The following HTR4 variants were observed in gnomAD, a reference collection of about 807,000 sequenced individuals.
The protein encoded by HTR4 is 5-hydroxytryptamine receptor 4, also known as 5-hydroxytryptamine (serotonin) receptor 4, G protein-coupled.
A neutral mutation model predicts 36.8 loss-of-function variants in HTR4; 16 were observed. The observed-to-expected ratio is 0.43, with a 90% CI of 0.29 to 0.66. HTR4 has a LOEUF of 0.66. HTR4 is among the 30% of genes least tolerant of loss of function. The pLI, the probability that HTR4 is intolerant of heterozygous loss-of-function variation, is 0.13. For synonymous variants in HTR4, 189 were observed against 185.1 expected, an observed-to-expected ratio of 1.02 and a Z score of -0.17; for missense variants, 438 against 490.9, an observed-to-expected ratio of 0.89 and a Z score of 1.02.
intron 6 of HTR4, among the ~76,000 whole-genome samples, chr5:148,505,569 G>A (rs1026620536): frequency 6.6e-6 from 1 of 152,162 alleles, no homozygotes; most frequent in Non-Finnish European, 1.5e-5. Flanking sequence ...ATTAGGAAAA[G>A]AGGAAGTCAA....
chr5:148,486,828 G>A (rs1053342073), intron 6 of HTR4, among the ~76,000 whole-genome samples: 3 of 152,168 alleles, frequency 2.0e-5, no homozygotes, highest in African/African-American at 7.2e-5. Flanking sequence ...CGGAATCTGT[G>A]AAATTACATT....
At chr5:148,499,410 T>C (rs1756834758) in intron 6 of HTR4, among the ~76,000 whole-genome samples, 1 of 152,150 alleles carries the variant, frequency 6.6e-6, no homozygotes, top group Admixed American at 6.6e-5. Context: ...ATTGTAAATT[T>C]TATACATGCA....
In HTR4 at chr5:148,523,336, T is replaced by C; in HGVS notation, c.364A>G (p.Ile122Val). 6.2e-7 allele frequency: 1 copy of C among 1,609,590 alleles called. No individual in the cohort carries two copies. ...CCISLDRYYA[I>V]CCQPLVYRNK... ...CTATAGACCAAAGGCTGGCAGCAGA[T>C]GGCGTAATACCTGGAGAGAGAATAG... Residue 122 changes from isoleucine to valine, a missense_variant, in exon 5 of 7, where the codon ATC becomes GTC. By Grantham distance (29) the Ile-to-Val change is conservative. Transcript: ENST00000377888.
intron 5 of HTR4, among the ~76,000 whole-genome samples, chr5:148,463,811 C>T (rs1045057209): frequency 6.6e-6 from 1 of 151,646 alleles, no homozygotes; most frequent in Non-Finnish European, 1.5e-5. Context: ...AGTCAGAGGA[C>T]TGATACTACC....
At chr5:148,517,182 T>C (rs1326523691) in intron 5 of HTR4, among the ~76,000 whole-genome samples, 1 of 152,222 alleles carries the variant, frequency 6.6e-6, no homozygotes, top group East Asian at 1.9e-4. Flanking sequence ...TAATATGTTT[T>C]AAGGCATATT....
chr5:148,554,815 G>A (rs1030276875), intron 2 of HTR4, among the ~76,000 whole-genome samples: 1 of 152,030 alleles, frequency 6.6e-6, no homozygotes, highest in Non-Finnish European at 1.5e-5. Flanking sequence ...CCACCCTCAC[G>A]TAGGTCCCAG....
chr5:148,637,925 C>T (rs1422554206), intron 1 of HTR4, among the ~76,000 whole-genome samples: 21 of 152,182 alleles, frequency 1.4e-4, no homozygotes. Flanking sequence ...TCATTCACTT[C>T]TCAGTAAAGA....
At chr5:148,545,170 A>G (rs1049968406) in intron 4 of HTR4, among the ~76,000 whole-genome samples, 2 of 152,348 alleles carry the variant, frequency 1.3e-5, no homozygotes, top group African/African-American at 4.8e-5. Context: ...GGAAAGCTGG[A>G]GACAAGCTGG....
intron 2 of HTR4, among the ~76,000 whole-genome samples, chr5:148,623,442 C>T (rs1184635095): frequency 6.6e-6 from 1 of 151,998 alleles, no homozygotes; most frequent in Non-Finnish European, 1.5e-5. Flanking sequence ...AACAACAGCA[C>T]AGAAAATGAG....
chr5:148,520,319 T>C (rs1330519567), intron 5 of HTR4, among the ~76,000 whole-genome samples: 2 of 152,136 alleles, frequency 1.3e-5, no homozygotes, highest in African/African-American at 2.4e-5. Flanking sequence ...TTTTAAACCG[T>C]GATTAAAATT....
At chr5:148,479,937 A>G (rs1262086465), downstream of HTR4, among the ~76,000 whole-genome samples, 1 of 152,216 alleles carries the variant, frequency 6.6e-6, no homozygotes, top group Non-Finnish European at 1.5e-5. Flanking sequence ...ACAATTAACA[A>G]TCATATACAT....
chr5:148,646,150 T>A (rs1255311141), intron 1 of HTR4: 1 of 152,230 alleles, frequency 6.6e-6, no homozygotes, highest in African/African-American at 2.4e-5. Context: ...AATGCCCCAG[T>A]GATTCTGATG....
At chr5:148,607,554 C>T (rs1752232471) in intron 2 of HTR4, among the ~76,000 whole-genome samples, 1 of 152,188 alleles carries the variant, frequency 6.6e-6, no homozygotes. Context: ...CTTTGATGAG[C>T]CTCTCCATTC....
intron 6 of HTR4, among the ~76,000 whole-genome samples, chr5:148,496,036 G>T (rs1036088357): frequency 1.3e-5 from 2 of 152,154 alleles, no homozygotes; most frequent in Non-Finnish European, 2.9e-5. Context: ...GGAGGCGGAG[G>T]TTGCAGTAAG....
At chr5:148,548,896 G>C in intron 3 of HTR4, 28 bp from the exon 4 acceptor site, 1 of 1,544,302 alleles carries the variant, frequency 6.5e-7, no homozygotes, top group Non-Finnish European at 8.9e-7. Context: ...TAAGAGAGGA[G>C]GCAGGGGGAG....
At chr5:148,573,001 G>T (rs1015916656) in intron 2 of HTR4, among the ~76,000 whole-genome samples, 3 of 152,094 alleles carry the variant, frequency 2.0e-5, no homozygotes, top group African/African-American at 7.2e-5. Flanking sequence ...ATTATTCCCT[G>T]TGGCACAGGT....
At chr5:148,581,258 G>A (rs1338362006) in intron 2 of HTR4, among the ~76,000 whole-genome samples, 3 of 151,918 alleles carry the variant, frequency 2.0e-5, no homozygotes, top group Non-Finnish European at 4.4e-5. Flanking sequence ...TGCATTATCA[G>A]AAATATGGCT....
chr5:148,586,400 G>C (rs1265463742), intron 2 of HTR4, among the ~76,000 whole-genome samples: 1 of 151,908 alleles, frequency 6.6e-6, no homozygotes, highest in Non-Finnish European at 1.5e-5. Context: ...ATCCTGAAAA[G>C]ATCCTGAAGC....
At chr5:148,565,556 A>G (rs866914471) in intron 2 of HTR4, among the ~76,000 whole-genome samples, 1 of 151,392 alleles carries the variant, frequency 6.6e-6, no homozygotes, top group South Asian at 2.1e-4. Context: ...TGAGGCTGGC[A>G]TAATCATAAG....
Sources: allele counts gnomAD v4.1 joint callset (sites outside exome capture counted in the v4.1 genomes callset), GRCh38; gene constraint gnomAD v4.1.1; transcripts MANE v1.5; gene names NCBI Gene and HGNC (gene_info 2026-07-23, HGNC 2026-07-21).